Variants in CDH12 observed in about 807,000 individuals in gnomAD.
The protein encoded by CDH12 is cadherin 12.
Under a neutral mutation model 74.1 loss-of-function variants are expected in CDH12, and 41 were observed. The ratio of observed to expected loss-of-function variants is 0.55; its 90% CI spans 0.43 to 0.72. The LOEUF is 0.72. Ranked by LOEUF, CDH12 falls within the 30% of genes least tolerant of loss-of-function variation. The probability of loss-of-function intolerance (pLI) is 0.00; values close to 1 mark genes in which losing one functional copy is unlikely to be tolerated. For missense variants in CDH12, 945 were observed against 977.2 expected (o/e 0.97, Z 0.44); for synonymous variants, 399 against 355.0 (o/e 1.12, Z -1.39).
chr5:21,897,586 G>A (rs1268762477), intron 6 of CDH12, among the ~76,000 whole-genome samples: 1 of 152,076 alleles, frequency 6.6e-6, no homozygotes, highest in Non-Finnish European at 1.5e-5. Flanking sequence ...AATTTTGATT[G>A]TATTGAAGCC....
chr5:22,124,165 C>T (rs1460023685), intron 4 of CDH12, among the ~76,000 whole-genome samples: 1 of 151,380 alleles, frequency 6.6e-6, no homozygotes, highest in African/African-American at 2.4e-5. Flanking sequence ...TATTTTATTT[C>T]ATTTTTTTTG....
intron 5 of CDH12, among the ~76,000 whole-genome samples, chr5:22,065,406 T>G (rs1741483367): frequency 6.6e-6 from 1 of 152,290 alleles, no homozygotes; most frequent in African/African-American, 2.4e-5. Flanking sequence ...AAGCAGAGAC[T>G]CTGCATTTAA....
chr5:22,435,613 A>T (rs1487773673), intron 2 of CDH12, among the ~76,000 whole-genome samples: 2 of 151,878 alleles, frequency 1.3e-5, no homozygotes, highest in Non-Finnish European at 1.5e-5. Context: ...AACAAAGATG[A>T]TAATAGCCCT....
chr5:22,105,710 A>G (rs1744401065), intron 4 of CDH12, among the ~76,000 whole-genome samples: 1 of 151,320 alleles, frequency 6.6e-6, no homozygotes, highest in African/African-American at 2.4e-5. Context: ...AATAAAATAA[A>G]ATAAAATAAA....
chr5:22,780,137 G>A (rs1265140859), intron 1 of CDH12, among the ~76,000 whole-genome samples: 1 of 152,102 alleles, frequency 6.6e-6, no homozygotes, highest in Non-Finnish European at 1.5e-5. Context: ...TGCAATCCCA[G>A]CACTTTTGGA....
intron 1 of CDH12, among the ~76,000 whole-genome samples, chr5:22,685,237 T>A (rs1190038847): frequency 6.6e-6 from 1 of 152,092 alleles, no homozygotes; most frequent in Non-Finnish European, 1.5e-5. Context: ...CAACCCATAT[T>A]CATACTTTAT....
At chr5:22,540,472 T>G (rs1001297085) in intron 1 of CDH12, among the ~76,000 whole-genome samples, 1 of 152,280 alleles carries the variant, frequency 6.6e-6, no homozygotes, top group Non-Finnish European at 1.5e-5. Context: ...ACCTTCACTT[T>G]TAGTAGTTTT....
chr5:22,290,467 C>A (rs1380209516), intron 3 of CDH12, among the ~76,000 whole-genome samples: 1 of 151,926 alleles, frequency 6.6e-6, no homozygotes, highest in Non-Finnish European at 1.5e-5. Context: ...AACAAAAAAT[C>A]AAAGAGATGT....
At chr5:21,816,081 C>G (rs1748024384) in intron 9 of CDH12, among the ~76,000 whole-genome samples, 1 of 152,034 alleles carries the variant, frequency 6.6e-6, no homozygotes, top group African/African-American at 2.4e-5. Flanking sequence ...ATACAGTTGA[C>G]TCCTGAGCAA....
At chr5:21,789,820 T>C (rs1746393285) in intron 10 of CDH12, among the ~76,000 whole-genome samples, 1 of 152,148 alleles carries the variant, frequency 6.6e-6, no homozygotes, top group Admixed American at 6.6e-5. Flanking sequence ...TTATCCTACT[T>C]ACCCAAAGTT....
intron 3 of CDH12, among the ~76,000 whole-genome samples, chr5:22,345,307 C>T (rs1222609976): frequency 6.6e-6 from 1 of 152,040 alleles, no homozygotes; most frequent in Non-Finnish European, 1.5e-5. Flanking sequence ...TTAAAATAGT[C>T]TTTTCCCTGT....
rs917384028 is a variant in CDH12 at position 21,995,146 on chromosome 5, C to A, written c.232-19761G>T. On this transcript the variant is annotated intron_variant, in intron 5 of 14. Transcript: ENST00000382254. ...GAAGGAACAAACTCCGGACACACCA[C>A]GTTTAAGAACTGGAACACTCACCGC... Among the ~76,000 whole-genome samples the A allele has an allele frequency of 7.7e-4, 117 of 152,100 alleles. 1 individual carries two copies. Among genetic ancestry groups the A allele is most frequent in the Non-Finnish European group, 9.6e-4 (65 of 68,000 alleles).
chr5:21,843,728 G>A (rs565845255), intron 7 of CDH12, among the ~76,000 whole-genome samples: 1 of 152,018 alleles, frequency 6.6e-6, no homozygotes. Flanking sequence ...AATCCAATGT[G>A]TTTGTCCTTT....
intron 10 of CDH12, among the ~76,000 whole-genome samples, chr5:21,795,837 C>G (rs765297052): frequency 3.9e-4 from 59 of 152,048 alleles, no homozygotes; most frequent in Non-Finnish European, 6.2e-4. Context: ...TGAAAAGGAC[C>G]TTCAAATGCA....
intron 6 of CDH12, among the ~76,000 whole-genome samples, chr5:21,921,867 C>G (rs1754368133): frequency 6.6e-6 from 1 of 152,166 alleles, no homozygotes; most frequent in Non-Finnish European, 1.5e-5. Flanking sequence ...CCTTCCCCTC[C>G]TTTGTCATCG....
intron 3 of CDH12, among the ~76,000 whole-genome samples, chr5:22,334,209 A>C (rs949435524): frequency 2.0e-5 from 3 of 151,326 alleles, no homozygotes; most frequent in African/African-American, 4.9e-5. Flanking sequence ...AACAGTAAGC[A>C]ATCTAAAAAA....
chr5:22,691,040 C>T (rs1203644504), intron 1 of CDH12, among the ~76,000 whole-genome samples: 2 of 152,144 alleles, frequency 1.3e-5, no homozygotes, highest in African/African-American at 2.4e-5. Flanking sequence ...AACCACTTAG[C>T]ATTTACCTAT....
intron 2 of CDH12, among the ~76,000 whole-genome samples, chr5:22,481,888 A>C (rs1037476854): frequency 6.6e-6 from 1 of 152,162 alleles, no homozygotes; most frequent in African/African-American, 2.4e-5. Flanking sequence ...TTAAGAAAAA[A>C]ACAAAACGAG....
rs139134878 is a variant in CDH12, at chr5:21,865,852, A to T, written c.527-11062T>A. ...TGGCAATGCCCTATACATCTGTACG[A>T]ATGAGGCCATGTGATATGGTTTTGT... On this transcript the variant is annotated intron_variant, in intron 6 of 14. Coordinates refer to ENST00000382254, the MANE Select transcript of CDH12 (RefSeq NM_004061.5). Among the ~76,000 whole-genome samples, 895 of 152,208 alleles carry T rather than the reference A, an allele frequency of 5.9e-3. 6 individuals carry two copies. The highest frequency in any genetic ancestry group is 8.0e-3 in the Non-Finnish European group (547 of 67,992).
Sources: gnomAD v4.1 joint callset for allele counts (sites outside exome capture counted in the v4.1 genomes callset) on GRCh38, gnomAD v4.1.1 for gene constraint, MANE v1.5 for transcripts, NCBI Gene and HGNC (gene_info 2026-07-23, HGNC 2026-07-21) for gene names.